KAZN: variants seen among roughly 807,000 people sequenced by gnomAD.
The protein encoded by KAZN is kazrin, periplakin interacting protein.
KAZN carries 40 observed loss-of-function variants against 87.4 expected under a neutral mutation model. That is an observed-to-expected ratio of 0.46 (90% CI 0.36 to 0.60). The LOEUF is 0.60. Ranked by LOEUF, KAZN falls within the 20% of genes least tolerant of loss-of-function variation. KAZN has a pLI of 0.00. For missense variants in KAZN, 898 were observed against 1,073.9 expected (o/e 0.84, Z 2.29); for synonymous variants, 466 against 458.3 (o/e 1.02, Z -0.22).
intron 2 of KAZN, among the ~76,000 whole-genome samples, chr1:14,993,360 T>C (rs1480919380): frequency 6.6e-6 from 1 of 151,214 alleles, no homozygotes; most frequent in Non-Finnish European, 1.5e-5. Flanking sequence ...TCCCAGCTAC[T>C]GAGGAGGCTG....
At chr1:13,928,113 G>T (rs1640355602) in intron 1 of KAZN, among the ~76,000 whole-genome samples, 1 of 152,192 alleles carries the variant, frequency 6.6e-6, no homozygotes, top group African/African-American at 2.4e-5. Context: ...TGTATGCAGT[G>T]GTCAGAAATT....
intron 1 of KAZN, among the ~76,000 whole-genome samples, chr1:14,910,899 CTG>C (rs1487959439): frequency 2.0e-5 from 3 of 152,192 alleles, no homozygotes; most frequent in Non-Finnish European, 4.4e-5. Flanking sequence ...TAAAAAAACA[CTG>C]TGGGAAAAAC....
At chr1:14,234,390 A>G (rs954647552) in intron 2 of KAZN, among the ~76,000 whole-genome samples, 4 of 127,508 alleles carry the variant, frequency 3.1e-5, no homozygotes, top group Non-Finnish European at 5.0e-5. Flanking sequence ...AACATCACAC[A>G]CCGGGGCCTG....
intron 1 of KAZN, among the ~76,000 whole-genome samples, chr1:14,846,531 TA>T (rs1171805735): frequency 2.0e-5 from 3 of 152,084 alleles, no homozygotes; most frequent in African/African-American, 7.2e-5. Flanking sequence ...AAAACCTAGA[TA>T]TGGAATCTAG....
chr1:14,518,377 A>G (rs1327318535), intron 2 of KAZN, among the ~76,000 whole-genome samples: 9 of 151,954 alleles, frequency 5.9e-5, no homozygotes, highest in Admixed American at 2.6e-4. Context: ...GGATTTCGCC[A>G]TGTTGGCCAG....
At chr1:14,702,022 C>T (rs1224495768) in intron 1 of KAZN, among the ~76,000 whole-genome samples, 1 of 152,164 alleles carries the variant, frequency 6.6e-6, no homozygotes, top group Non-Finnish European at 1.5e-5. Context: ...TACTTGTTGA[C>T]GTGCTAAAGC....
At position 14,885,067 on chromosome 1, in the gene KAZN, C is replaced by T. The variant is rs79002416; in HGVS notation, c.227-75617C>T. On this transcript the variant is annotated intron_variant, in intron 1 of 14. Transcript: ENST00000376030. ...TGCCTGGGAGGGAGCTATTATCCGTCGGTATCAAGCAGTTAGAGAAGTCTT... is the reference window on the plus strand; with the variant it reads ...TGCCTGGGAGGGAGCTATTATCCGTTGGTATCAAGCAGTTAGAGAAGTCTT... Among the ~76,000 whole-genome samples the T allele has an allele frequency of 8.5e-4, 129 of 152,230 alleles. 1 individual carries two copies. The East Asian group carries it at 0.02, about 24-fold the overall frequency.
intron 2 of KAZN, among the ~76,000 whole-genome samples, chr1:14,977,666 C>G (rs1479809427): frequency 6.6e-6 from 1 of 152,222 alleles, no homozygotes; most frequent in East Asian, 1.9e-4. Context: ...CGGGTGACTG[C>G]AGATTGCGGG....
At chr1:15,062,633 G>A (rs1165461196) in intron 6 of KAZN, 3 of 152,524 alleles carry the variant, frequency 2.0e-5, no homozygotes. Flanking sequence ...AAGGTTGACG[G>A]ACCTTGGCAT....
intron 1 of KAZN, among the ~76,000 whole-genome samples, chr1:14,708,917 T>C (rs1642350628): frequency 6.6e-6 from 1 of 152,198 alleles, no homozygotes. Flanking sequence ...AATAAGCAAG[T>C]CCATGAGTGG....
intron 1 of KAZN, among the ~76,000 whole-genome samples, chr1:14,814,209 A>G (rs1047270701): frequency 1.3e-5 from 2 of 151,780 alleles, no homozygotes; most frequent in Non-Finnish European, 2.9e-5. Context: ...ACATGGTCAA[A>G]GACTGGATCT....
At chr1:14,778,585 G>A (rs944359729) in intron 1 of KAZN, among the ~76,000 whole-genome samples, 2 of 151,970 alleles carry the variant, frequency 1.3e-5, no homozygotes, top group African/African-American at 4.8e-5. Context: ...CAGTACTAAT[G>A]CCACCTCCCC....
intron 1 of KAZN, among the ~76,000 whole-genome samples, chr1:14,167,987 C>T (rs1202868886): frequency 6.6e-6 from 1 of 152,182 alleles, no homozygotes; most frequent in East Asian, 1.9e-4. Flanking sequence ...AAGTTAGTCT[C>T]CTTCCAATGG....
intron 1 of KAZN, among the ~76,000 whole-genome samples, chr1:13,994,572 T>TG (rs902284867): frequency 6.6e-5 from 10 of 152,200 alleles, no homozygotes; most frequent in East Asian, 1.9e-4. Context: ...GGAATTTCAA[T>TG]GGGGAACAAA....
chr1:14,567,127 A>G (rs994637655), intron 2 of KAZN, among the ~76,000 whole-genome samples: 1 of 152,200 alleles, frequency 6.6e-6, no homozygotes, highest in Non-Finnish European at 1.5e-5. Flanking sequence ...TTTTATTTAA[A>G]GTGAGAGATG....
At chr1:14,858,214 C>CTTTTTTTTTTTTTTTTTT (rs71000342) in intron 1 of KAZN, among the ~76,000 whole-genome samples, 1 of 117,028 alleles carries the variant, frequency 8.5e-6, no homozygotes, top group Admixed American at 9.1e-5. Flanking sequence ...TTTTTCTTTT[C>CTTTTTTTTTTTTTTTTTT]TTTTTTTTTT....
chr1:14,869,826 G>T (rs537128683), intron 1 of KAZN, among the ~76,000 whole-genome samples: 3 of 152,194 alleles, frequency 2.0e-5, no homozygotes, highest in Non-Finnish European at 4.4e-5. Flanking sequence ...TTTAATTAGC[G>T]CACAGACCTG....
intron 2 of KAZN, among the ~76,000 whole-genome samples, chr1:14,229,716 G>A (rs368483731): frequency 3.3e-5 from 5 of 152,334 alleles, no homozygotes; most frequent in South Asian, 2.1e-4. Flanking sequence ...AGAGGAATCC[G>A]CACTTGAGGG....
At chr1:15,074,088 C>T (rs1207574214) in intron 8 of KAZN, among the ~76,000 whole-genome samples, 1 of 152,234 alleles carries the variant, frequency 6.6e-6, no homozygotes, top group Admixed American at 6.5e-5. Flanking sequence ...TGACCACAGC[C>T]AAGCTGGTCT....
Sources: allele counts gnomAD v4.1 joint callset (sites outside exome capture counted in the v4.1 genomes callset), GRCh38; gene constraint gnomAD v4.1.1; transcripts MANE v1.5; gene names NCBI Gene and HGNC (gene_info 2026-07-23, HGNC 2026-07-21).